Variants in DLG4 observed in about 807,000 individuals in gnomAD.
DLG4 encodes discs large MAGUK scaffold protein 4.
DLG4 carries 7 observed loss-of-function variants against 93.8 expected under a neutral mutation model. The observed-to-expected ratio is 0.07, with a 90% confidence interval of 0.04 to 0.14. The LOEUF is 0.14. DLG4 is among the 10% of genes least tolerant of loss of function. DLG4 has a pLI of 1.00. For missense variants in DLG4, 545 were observed against 992.9 expected, an observed-to-expected ratio of 0.55 and a Z score of 6.06; for synonymous variants, 341 against 387.6, an observed-to-expected ratio of 0.88 and a Z score of 1.41.
rs2070598882 is a variant in DLG4 at position 7,208,888 on chromosome 17, A to G, written c.31-649T>C. Among the ~76,000 whole-genome samples the G allele has an allele frequency of 2.0e-5, 3 of 152,056 alleles. No individual in the cohort carries two copies. In the South Asian group the frequency reaches 6.2e-4, roughly 32 times the overall value. ...TTGGTATCAGCCCCCGAGACAGGAC[A>G]AGGCTAAGCCTGTCCAGTTCACTGC... is the stretch of plus-strand genomic sequence containing the variant. On this transcript the variant is annotated intron_variant, in intron 1 of 19. Transcript: ENST00000399506. The surrounding 1 kb of genome is among the most constrained non-coding windows in gnomAD (Gnocchi z 5.4).
Position 7,193,267 on chromosome 17 carries a change from C to T in DLG4, c.1694-150G>A, listed in dbSNP as rs1433017124. On this transcript the variant is annotated intron_variant, in intron 16 of 19. Coordinates refer to ENST00000399506, the MANE Select transcript of DLG4 (RefSeq NM_001321075.3). This position sits in a 1 kb window ranked among gnomAD's most constrained non-coding sequence, Gnocchi z 6.7. ...GACCAAGACTGCAGAGGGCCAGAAC[C>T]GCTTCCCCTAGCACCCTCCAGGGCC... 3.5e-5 allele frequency: 44 copies of T among 1,254,782 alleles called. No individual in the cohort carries two copies. The highest frequency in any genetic ancestry group is 2.6e-4 in the East Asian group (11 of 42,692). The allele number at this position is 1,254,782 out of a possible 1,614,324, so 77.7% of individuals were successfully genotyped here. A position where few individuals can be genotyped will look rare whatever the true frequency, so the allele number is the denominator to read the frequency against.
rs2069318778 is a variant in DLG4 at position 7,187,304 on chromosome 17, C to CCGG, written c.*3403_*3404insCCG. The stretch of plus-strand genomic sequence containing the variant: ...CCTGTAATCCTAGCACTTTGGGAGG[C>CCGG]CGAGGGGGGGGGGGGTGGATCACCC... On this transcript the variant is annotated 3_prime_UTR_variant, in exon 20 of 20. Transcript: ENST00000399506. Among the ~76,000 whole-genome samples, 1 of 24,064 alleles carries CCGG rather than the reference C, an allele frequency of 4.2e-5. No homozygotes were observed. Among genetic ancestry groups the CCGG allele is most frequent in the East Asian group, 6.4e-4 (1 of 1,566 alleles). 15.8% of individuals were successfully genotyped at this position (24,064 alleles called of 152,430 possible). A position where few individuals can be genotyped will look rare whatever the true frequency, so the allele number is the denominator to read the frequency against.
intron 2 of DLG4, among the ~76,000 whole-genome samples, chr17:7,207,248 G>A (rs897388274): frequency 6.6e-6 from 1 of 152,072 alleles, no homozygotes; most frequent in East Asian, 1.9e-4. Flanking sequence ...GGAGGGAGAG[G>A]ACTGATGAGG....
rs35409465 is a variant in DLG4 at position 7,188,070 on chromosome 17, CAAAAAAA to C, written c.*2631_*2637del. ...GGGCAACAAAAGTGAAACTCGACCT[CAAAAAAA>C]AAAAAAAAAAAATCCTCTGAAGCAG... On this transcript the variant is annotated 3_prime_UTR_variant, in exon 20 of 20. Transcript: ENST00000399506. Among the ~76,000 whole-genome samples the C allele has an allele frequency of 7.2e-6, 1 of 138,336 alleles. No individual in the cohort carries two copies. The highest frequency in any genetic ancestry group is 2.7e-5 in the African/African-American group (1 of 36,916). The allele number at this position is 138,336 out of a possible 152,430, so 90.8% of individuals were successfully genotyped here.
intron 2 of DLG4, chr17:7,204,812 C>T (rs1222621893): frequency 5.2e-6 from 2 of 381,906 alleles, no homozygotes; most frequent in Non-Finnish European, 7.2e-6. Flanking sequence ...CCCTGCACCC[C>T]GGGAATCCGG....
At chr17:7,198,957 A>C (rs1232440793) in intron 8 of DLG4, among the ~76,000 whole-genome samples, 1 of 151,290 alleles carries the variant, frequency 6.6e-6, no homozygotes, top group East Asian at 2.0e-4. Flanking sequence ...CGGAAGTTGC[A>C]GTGAGCCAAG....
chr17:7,190,511 C>T lies in DLG4; in HGVS notation c.*197G>A. 1 of 576,964 alleles carries T rather than the reference C, an allele frequency of 1.7e-6. No individual in the cohort carries two copies. 35.7% of individuals were successfully genotyped at this position (576,964 alleles called of 1,614,324 possible). On this transcript the variant is annotated 3_prime_UTR_variant, in exon 20 of 20. Transcript: ENST00000399506. ...CCCCAGACCCCAGGTTCCTGGCGTT[C>T]AGGAGCCCAGTTCTGGGGTGCGGGG...
At chr17:7,217,650 G>A, upstream of DLG4, 4 of 1,287,774 alleles carry the variant, frequency 3.1e-6, no homozygotes, top group South Asian at 5.1e-5. Context: ...GGGGGAGGGA[G>A]GGAGGGAGCT....
Position 7,203,303 on chromosome 17 carries a change from C to T in DLG4, c.532G>A (p.Val178Ile), listed in dbSNP as rs778679470. The T allele has an allele frequency of 7.5e-6, 12 of 1,605,298 alleles. No homozygotes were observed. The highest frequency in any genetic ancestry group is 1.3e-5 in the African/African-American group (1 of 74,734). ...TCTCCTGGGATGTGCTGGTTCCCTA[C>T]GCCCCCTGCGATGCTGAAGCCAAGA... Reference protein sequence around the residue: ...KGLGFSIAGGVGNQHIPGDNS... With the variant: ...KGLGFSIAGGIGNQHIPGDNS... The change falls in exon 7 of 20, where the codon GTA (valine) becomes ATA (isoleucine). Residue 178 changes from valine to isoleucine, a missense_variant. Physicochemically the swap from Val to Ile is conservative, Grantham distance 29. Around this residue, in one of 5 missense-constraint regions of DLG4, gnomAD observed 5 missense variants for 27.6 expected, o/e 0.18. Coordinates refer to ENST00000399506, the MANE Select transcript of DLG4 (RefSeq NM_001321075.3). The surrounding 1 kb of genome is among the most constrained non-coding windows in gnomAD (Gnocchi z 7.2).
In DLG4 at chr17:7,202,923, G is replaced by T. The variant is rs751164663; in HGVS notation, c.767C>A (p.Ala256Asp). 4.5e-5 allele frequency: 72 copies of T among 1,613,896 alleles called. No individual in the cohort carries two copies. Among genetic ancestry groups the T allele is most frequent in the Non-Finnish European group, 5.4e-5 (64 of 1,179,878 alleles). Residue 256 changes from alanine to aspartate, a missense_variant, in exon 8 of 20, where the codon GCT becomes GAT. This residue lies in a region of DLG4 where 428 missense variants were observed against 741.4 expected (regional missense o/e 0.58). Coordinates refer to ENST00000399506, the MANE Select transcript of DLG4 (RefSeq NM_001321075.3). ...CTCACAGGTTGTGATGTCTGGGGGAGCATAGCTGTCACTCAGGTAGGCATT... is the reference window on the plus strand; with the variant it reads ...CTCACAGGTTGTGATGTCTGGGGGATCATAGCTGTCACTCAGGTAGGCATT... ...PSNAYLSDSY[A>D]PPDITTSYSQ...
At chr17:7,218,170 G>C (rs1325737576), upstream of DLG4, 7 of 1,358,968 alleles carry the variant, frequency 5.2e-6, no homozygotes, top group Middle Eastern at 1.8e-4. Context: ...GGTAATATTA[G>C]TGATATTTGG....
Position 7,188,117 on chromosome 17 carries a change from G to T in DLG4, c.*2591C>A, listed in dbSNP as rs1039476136. ...CTCTGAAGCAGTGCTTCTCCACCCA[G>T]TGAGACATCAAAATCACCCGGGAGC... is the stretch of plus-strand genomic sequence containing the variant. On this transcript the variant is annotated 3_prime_UTR_variant, in exon 20 of 20. Coordinates refer to ENST00000399506, the MANE Select transcript of DLG4 (RefSeq NM_001321075.3). Among the ~76,000 whole-genome samples the T allele has an allele frequency of 7.3e-5, 11 of 151,416 alleles. No homozygotes were observed. Among genetic ancestry groups the T allele is most frequent in the African/African-American group, 7.3e-5 (3 of 41,184 alleles).
chr17:7,199,841 G>A lies in DLG4; in HGVS notation c.788-2789C>T, dbSNP rs140577747. Among the ~76,000 whole-genome samples, 1,039 of 151,950 alleles carry A rather than the reference G, an allele frequency of 6.8e-3. 11 individuals carry two copies. Among genetic ancestry groups the A allele is most frequent in the African/African-American group, 0.021 (874 of 41,442 alleles). On this transcript the variant is annotated intron_variant, in intron 8 of 19. Transcript: ENST00000399506. ...AAATATACAAAAAAATTAGCCAGGC[G>A]TGGTGGTGGGCACCTGTAGTCCCAG...
intron 17 of DLG4, 89 bp from the exon 18 acceptor site, chr17:7,192,091 T>A: frequency 1.5e-6 from 1 of 683,316 alleles, no homozygotes; most frequent in African/African-American, 2.0e-5. Context: ...CGGGGAGAGG[T>A]GGGGAATGGG....
chr17:7,213,288 C>T (rs1350878087), intron 1 of DLG4, among the ~76,000 whole-genome samples: 2 of 151,708 alleles, frequency 1.3e-5, no homozygotes, highest in East Asian at 1.9e-4. Context: ...TTAGTAGAGA[C>T]GGGGTATCGC....
At position 7,189,846 on chromosome 17, in the gene DLG4, C is replaced by G. The variant is rs895066983; in HGVS notation, c.*862G>C. 1 of 152,594 alleles carries G rather than the reference C, an allele frequency of 6.6e-6. No homozygotes were observed. Among genetic ancestry groups the G allele is most frequent in the Admixed American group, 6.6e-5 (1 of 15,266 alleles). 9.5% of individuals were successfully genotyped at this position (152,594 alleles called of 1,614,324 possible). ...AAGGATCTGACTCTGCTGCGCCCAT[C>G]TCCCTCCACACCCAGGTCCCAAATA... On this transcript the variant is annotated 3_prime_UTR_variant, in exon 20 of 20. Coordinates refer to ENST00000399506, the MANE Select transcript of DLG4 (RefSeq NM_001321075.3).
Position 7,217,181 on chromosome 17 carries a change from G to A in DLG4, c.-34C>T, listed in dbSNP as rs938941588. 1.6e-6 allele frequency: 2 copies of A among 1,276,252 alleles called. No homozygotes were observed. The highest frequency in any genetic ancestry group is 1.5e-5 in the African/African-American group (1 of 64,538). The allele number at this position is 1,276,252 out of a possible 1,614,324, so 79.1% of individuals were successfully genotyped here. A position where few individuals can be genotyped will look rare whatever the true frequency, so the allele number is the denominator to read the frequency against. On this transcript the variant is annotated 5_prime_UTR_variant, in exon 1 of 20. Transcript: ENST00000399506. Reference sequence around the variant, plus strand: ...GCCTGGCCGCGGCGGCGGGTAAGGGGCTCTGACTTCATCGGAGTTTCGTTC... The same window carrying A: ...GCCTGGCCGCGGCGGCGGGTAAGGGACTCTGACTTCATCGGAGTTTCGTTC...
At chr17:7,209,258 A>G (rs981700222) in intron 1 of DLG4, among the ~76,000 whole-genome samples, 10 of 152,134 alleles carry the variant, frequency 6.6e-5, no homozygotes, top group Non-Finnish European at 1.5e-4. Context: ...GTAAAATGAG[A>G]TTAACTGGGG....
chr17:7,189,271 A>C lies in DLG4; in HGVS notation c.*1437T>G, dbSNP rs538246685. 3.4e-4 allele frequency among the ~76,000 whole-genome samples: 51 copies of C among 151,482 alleles called. No individual in the cohort carries two copies. The highest frequency in any genetic ancestry group is 1.0e-3 in the South Asian group (5 of 4,778). On this transcript the variant is annotated 3_prime_UTR_variant, in exon 20 of 20. Transcript: ENST00000399506. ...CTTTGGGAGGCTGAGGCGGGTGGATAACAAGGTCAGGAGTTCAAGACCAGC... is the reference window on the plus strand; with the variant it reads ...CTTTGGGAGGCTGAGGCGGGTGGATCACAAGGTCAGGAGTTCAAGACCAGC...
Sources: gnomAD v4.1 joint callset for allele counts (sites outside exome capture counted in the v4.1 genomes callset) on GRCh38, gnomAD v4.1.1 for gene constraint, gnomAD v4.1.1 regional missense constraint, Gnocchi (gnomAD v3.1) non-coding constraint, MANE v1.5 for transcripts, NCBI Gene and HGNC (gene_info 2026-07-23, HGNC 2026-07-21) for gene names.